TENM3: variants seen among roughly 807,000 people sequenced by gnomAD.
TENM3 encodes teneurin-3.
TENM3 carries 63 observed loss-of-function variants against 255.1 expected under a neutral mutation model. The ratio of observed to expected loss-of-function variants is 0.25; its 90% CI spans 0.20 to 0.30. The LOEUF (loss-of-function observed/expected upper bound fraction) is 0.30, where lower values mean the gene tolerates loss of function less well. Among genes scored for constraint, TENM3 ranks in the 10% least tolerant of loss-of-function variants. The pLI is 1.00. For missense variants in TENM3, 2,929 were observed against 3,461.1 expected (o/e 0.85, Z 3.86); for synonymous variants, 1,306 against 1,322.3 (o/e 0.99, Z 0.27).
intron 1 of TENM3, among the ~76,000 whole-genome samples, chr4:182,273,204 C>T (rs1175442599): frequency 6.6e-6 from 1 of 152,176 alleles, no homozygotes; most frequent in African/African-American, 2.4e-5. Flanking sequence ...CCCTCTCAGT[C>T]GATCCCCCGA....
intron 1 of TENM3, among the ~76,000 whole-genome samples, chr4:182,237,677 C>T (rs1014321661): frequency 6.6e-6 from 1 of 152,064 alleles, no homozygotes; most frequent in African/African-American, 2.4e-5. Context: ...ATGTCGTGGC[C>T]GTATTGTCTG....
intron 3 of TENM3, among the ~76,000 whole-genome samples, chr4:182,452,723 C>G (rs1248696660): frequency 6.6e-6 from 1 of 152,142 alleles, no homozygotes; most frequent in Non-Finnish European, 1.5e-5. Flanking sequence ...GCCCAAGTAA[C>G]ACACTTCTTT....
upstream of TENM3, among the ~76,000 whole-genome samples, chr4:182,242,917 A>C (rs1012377119): frequency 7.2e-5 from 11 of 152,226 alleles, no homozygotes; most frequent in Non-Finnish European, 1.6e-4. Flanking sequence ...TTGATAATGT[A>C]TTAGAAGCGG....
At chr4:182,195,861 C>T (rs78125120) in intron 1 of TENM3, among the ~76,000 whole-genome samples, 7,971 of 152,108 alleles carry the variant, frequency 0.052, 280 homozygotes, top group Non-Finnish European at 0.076. Context: ...GAAATCATGG[C>T]CTCCATTATA....
the TENM3 span, among the ~76,000 whole-genome samples, chr4:182,006,001 G>T: frequency 6.6e-6 from 1 of 152,140 alleles, no homozygotes; most frequent in African/African-American, 2.4e-5. Flanking sequence ...ATAAAATCAT[G>T]TAGCCTGCCA....
In TENM3 at chr4:182,718,279, C is replaced by T. The variant is rs113817483; in HGVS notation, c.2368+4046C>T. Among the ~76,000 whole-genome samples the T allele has an allele frequency of 5.5e-3, 840 of 152,258 alleles. 6 individuals carry two copies. Among genetic ancestry groups the T allele is most frequent in the African/African-American group, 0.019 (790 of 41,566 alleles). ...AAACTTAGGTATATTCATCTGTTAA[C>T]TCTGCTTTCTTCTACCTTAGAATCA... On this transcript the variant is annotated intron_variant, in intron 13 of 27. Transcript: ENST00000511685.
At chr4:182,369,219 C>A (rs973843751) in intron 3 of TENM3, among the ~76,000 whole-genome samples, 1 of 152,150 alleles carries the variant, frequency 6.6e-6, no homozygotes, top group Non-Finnish European at 1.5e-5. Flanking sequence ...TTGGACTTTA[C>A]TCAACACTTA....
chr4:181,522,816 G>T, the TENM3 span: 1 of 895,778 alleles, frequency 1.1e-6, no homozygotes. Flanking sequence ...TTATTATGTT[G>T]ATAGAAATGC....
At chr4:182,562,180 AT>A (rs1743272440) in intron 3 of TENM3, among the ~76,000 whole-genome samples, 1 of 152,232 alleles carries the variant, frequency 6.6e-6, no homozygotes, top group Admixed American at 6.5e-5. Flanking sequence ...TATAAGAAAC[AT>A]AAACATCTAT....
the TENM3 span, among the ~76,000 whole-genome samples, chr4:181,498,803 A>G: frequency 3.3e-5 from 5 of 152,320 alleles, no homozygotes; most frequent in Admixed American, 2.6e-4. Flanking sequence ...GTCAGGGGTA[A>G]GAAGGCAAGG....
chr4:182,243,793 GTATGTCTGTTGACTTAAA>G (rs1757449062), intron 1 of TENM3, among the ~76,000 whole-genome samples: 1 of 152,070 alleles, frequency 6.6e-6, no homozygotes, highest in African/African-American at 2.4e-5. Flanking sequence ...AATTTTAAAT[GTATGTCTGTTGACTTAAA>G]TATTGGTTTT....
At chr4:182,368,828 C>G (rs769095451) in intron 3 of TENM3, among the ~76,000 whole-genome samples, 68 of 152,324 alleles carry the variant, frequency 4.5e-4, no homozygotes, top group Non-Finnish European at 8.8e-4. Context: ...TAGTTGACAG[C>G]TGTCAGGCAA....
chr4:181,468,473 G>A, the TENM3 span, among the ~76,000 whole-genome samples: 79 of 152,264 alleles, frequency 5.2e-4, no homozygotes, highest in Non-Finnish European at 4.0e-4. Flanking sequence ...ATTTCTGCAT[G>A]TATCATCCTC....
At chr4:181,832,248 T>C in the TENM3 span, among the ~76,000 whole-genome samples, 1 of 152,054 alleles carries the variant, frequency 6.6e-6, no homozygotes, top group Non-Finnish European at 1.5e-5. Flanking sequence ...CAGATTAAAA[T>C]ATATCGGAAA....
At chr4:181,454,472 T>A in the TENM3 span, among the ~76,000 whole-genome samples, 3 of 152,108 alleles carry the variant, frequency 2.0e-5, no homozygotes. Flanking sequence ...ACAATGTTAA[T>A]AAAGTCTACA....
At chr4:182,599,085 A>G (rs1204044462) in intron 3 of TENM3, among the ~76,000 whole-genome samples, 2 of 152,152 alleles carry the variant, frequency 1.3e-5, no homozygotes, top group African/African-American at 2.4e-5. Flanking sequence ...AACCTAGTCT[A>G]GGCCCTCATA....
chr4:181,575,404 T>C, the TENM3 span, among the ~76,000 whole-genome samples: 2,235 of 152,304 alleles, frequency 0.015, 55 homozygotes, highest in South Asian at 0.019. Flanking sequence ...TGTCATTTTT[T>C]GGGTTCTAAA....
chr4:181,601,697 A>C, the TENM3 span, among the ~76,000 whole-genome samples: 1 of 152,114 alleles, frequency 6.6e-6, no homozygotes, highest in Non-Finnish European at 1.5e-5. Flanking sequence ...AAATGTTATT[A>C]TAGGGGTTAC....
the TENM3 span, among the ~76,000 whole-genome samples, chr4:181,564,958 C>T: frequency 6.6e-6 from 1 of 152,170 alleles, no homozygotes; most frequent in Non-Finnish European, 1.5e-5. Context: ...TGGAATTCAT[C>T]AATATGTGTC....
Sources: gnomAD v4.1 joint callset for allele counts (sites outside exome capture counted in the v4.1 genomes callset) on GRCh38, gnomAD v4.1.1 for gene constraint, MANE v1.5 for transcripts, NCBI Gene and HGNC (gene_info 2026-07-23, HGNC 2026-07-21) for gene names.